CNTN4: variants seen among roughly 807,000 people sequenced by gnomAD.
The protein encoded by CNTN4 is contactin-4.
Under a neutral mutation model 122.5 loss-of-function variants are expected in CNTN4, and 77 were observed. The ratio of observed to expected loss-of-function variants is 0.63; its 90% CI spans 0.52 to 0.76. The LOEUF is 0.76. Ranked by LOEUF, CNTN4 falls within the 30% of genes least tolerant of loss-of-function variation. The pLI is 0.00. For missense variants in CNTN4, 1,256 were observed against 1,259.1 expected (o/e 1.00, Z 0.04); for synonymous variants, 512 against 447.0 (o/e 1.15, Z -1.83).
chr3:2,453,158 T>C (rs1398968493), intron 3 of CNTN4, among the ~76,000 whole-genome samples: 1 of 151,746 alleles, frequency 6.6e-6, no homozygotes, highest in East Asian at 1.9e-4. Flanking sequence ...TTGTACAAAA[T>C]AATCTAGTGG....
At chr3:2,112,783 G>A (rs1322798009) in intron 2 of CNTN4, among the ~76,000 whole-genome samples, 1 of 151,760 alleles carries the variant, frequency 6.6e-6, no homozygotes, top group South Asian at 2.1e-4. Flanking sequence ...TTTTCTTCTG[G>A]TAAGTTACTA....
intron 4 of CNTN4, among the ~76,000 whole-genome samples, chr3:2,725,421 C>T (rs776694708): frequency 2.6e-5 from 4 of 152,084 alleles, no homozygotes; most frequent in Non-Finnish European, 5.9e-5. Context: ...ATTCTTTATG[C>T]GTAGAAAGAA....
intron 6 of CNTN4, among the ~76,000 whole-genome samples, chr3:2,767,967 C>T (rs930683297): frequency 1.3e-5 from 2 of 152,156 alleles, no homozygotes; most frequent in Non-Finnish European, 2.9e-5. Flanking sequence ...TGCTGTTTGC[C>T]AACCAAATGG....
chr3:2,795,741 C>T (rs927667869), intron 6 of CNTN4, among the ~76,000 whole-genome samples: 1 of 151,852 alleles, frequency 6.6e-6, no homozygotes, highest in African/African-American at 2.4e-5. Flanking sequence ...AGAATGGTCT[C>T]GATCTCCTGA....
chr3:2,340,498 A>C (rs2150359326), intron 3 of CNTN4, among the ~76,000 whole-genome samples: 1 of 151,304 alleles, frequency 6.6e-6, no homozygotes, highest in East Asian at 1.9e-4. Context: ...CCTGGACATC[A>C]GTGAGACCCT....
chr3:2,430,012 C>T (rs2048002299), intron 3 of CNTN4, among the ~76,000 whole-genome samples: 1 of 152,176 alleles, frequency 6.6e-6, no homozygotes, highest in Admixed American at 6.5e-5. Context: ...ACCCCTTGCG[C>T]TTCCCGGGTG....
chr3:2,590,472 G>C (rs1384290679), intron 4 of CNTN4, among the ~76,000 whole-genome samples: 1 of 151,798 alleles, frequency 6.6e-6, no homozygotes, highest in Non-Finnish European at 1.5e-5. Context: ...GGCCAGGCTG[G>C]TCTCAAACTC....
At chr3:2,414,025 C>T (rs1455272038) in intron 3 of CNTN4, among the ~76,000 whole-genome samples, 1 of 152,134 alleles carries the variant, frequency 6.6e-6, no homozygotes, top group African/African-American at 2.4e-5. Flanking sequence ...GAGGATGGCA[C>T]AGAGCTAAAC....
chr3:2,811,932 C>T lies in CNTN4; in HGVS notation c.359-7554C>T, dbSNP rs150389603. Among the ~76,000 whole-genome samples the T allele has an allele frequency of 7.0e-3, 1,073 of 152,218 alleles. 18 individuals are homozygous for T. The highest frequency in any genetic ancestry group is 0.023 in the African/African-American group (968 of 41,516). On this transcript the variant is annotated intron_variant, in intron 6 of 24. Transcript: ENST00000418658. Reference sequence around the variant, plus strand: ...CTGCCTGCCTTGGCCTCCCAAAGTGCGGCGATTACAGGCATGAGCCACTGT... The same window carrying T: ...CTGCCTGCCTTGGCCTCCCAAAGTGTGGCGATTACAGGCATGAGCCACTGT...
chr3:2,636,023 A>G (rs1276247529), intron 4 of CNTN4, among the ~76,000 whole-genome samples: 1 of 152,174 alleles, frequency 6.6e-6, no homozygotes, highest in Non-Finnish European at 1.5e-5. Context: ...TCCCTGCTAT[A>G]TAAACCCCTA....
chr3:2,253,007 A>G (rs562272383), intron 2 of CNTN4, among the ~76,000 whole-genome samples: 47 of 152,278 alleles, frequency 3.1e-4, no homozygotes, highest in African/African-American at 9.6e-4. Flanking sequence ...GCACAATGAA[A>G]AAAACCAATA....
chr3:2,186,294 T>A (rs1469955201), intron 2 of CNTN4, among the ~76,000 whole-genome samples: 1 of 152,176 alleles, frequency 6.6e-6, no homozygotes, highest in Non-Finnish European at 1.5e-5. Flanking sequence ...TATTTCATGG[T>A]GTATATGTGC....
intron 13 of CNTN4, among the ~76,000 whole-genome samples, chr3:2,963,830 ATTAT>A (rs1287047010): frequency 2.6e-5 from 4 of 152,164 alleles, no homozygotes; most frequent in Non-Finnish European, 5.9e-5. Flanking sequence ...GAGTAATGGC[ATTAT>A]TTGTCTTATT....
chr3:2,764,621 T>G (rs2090755697), intron 6 of CNTN4, among the ~76,000 whole-genome samples: 1 of 152,148 alleles, frequency 6.6e-6, no homozygotes, highest in South Asian at 2.1e-4. Flanking sequence ...GACTTAAGAT[T>G]AGGAAAATTC....
chr3:2,671,600 A>G (rs943235123), intron 4 of CNTN4, among the ~76,000 whole-genome samples: 2 of 152,052 alleles, frequency 1.3e-5, no homozygotes, highest in African/African-American at 4.8e-5. Context: ...CATCAAAGTC[A>G]TTTTCCATCT....
At chr3:2,442,145 T>A (rs1216238629) in intron 3 of CNTN4, among the ~76,000 whole-genome samples, 1 of 152,202 alleles carries the variant, frequency 6.6e-6, no homozygotes, top group Non-Finnish European at 1.5e-5. Context: ...AGTATATCCT[T>A]AAGTCAGATA....
At chr3:2,750,441 C>T (rs2090035984) in intron 6 of CNTN4, among the ~76,000 whole-genome samples, 2 of 152,144 alleles carry the variant, frequency 1.3e-5, no homozygotes, top group South Asian at 4.2e-4. Context: ...TTCACATAAG[C>T]AAAATTTATA....
At chr3:2,703,833 A>C (rs191301126) in intron 4 of CNTN4, among the ~76,000 whole-genome samples, 1 of 152,258 alleles carries the variant, frequency 6.6e-6, no homozygotes, top group East Asian at 1.9e-4. Context: ...ACCAAAAAAA[A>C]TGAAAATAAA....
At chr3:2,590,261 T>C (rs2080404838) in intron 4 of CNTN4, among the ~76,000 whole-genome samples, 1 of 152,168 alleles carries the variant, frequency 6.6e-6, no homozygotes, top group Non-Finnish European at 1.5e-5. Context: ...CTTCTTTTTT[T>C]GTTGTTTTGT....
Sources: allele counts gnomAD v4.1 joint callset (sites outside exome capture counted in the v4.1 genomes callset), GRCh38; gene constraint gnomAD v4.1.1; transcripts MANE v1.5; gene names NCBI Gene and HGNC (gene_info 2026-07-23, HGNC 2026-07-21).